HDLBP: variants seen among roughly 807,000 people sequenced by gnomAD.
HDLBP encodes the protein vigilin.
HDLBP carries 30 observed loss-of-function variants against 137.3 expected under a neutral mutation model. That is an observed-to-expected ratio of 0.22 (90% CI 0.16 to 0.30). HDLBP has a LOEUF of 0.30. Among genes scored for constraint, HDLBP ranks in the 10% least tolerant of loss-of-function variants. The pLI is 1.00. For synonymous variants in HDLBP, 606 were observed against 596.0 expected (o/e 1.02, Z -0.24); for missense variants, 1,119 against 1,667.3 (o/e 0.67, Z 5.73).
At position 241,229,468 on chromosome 2, in the gene HDLBP, C is replaced by T. The variant is rs11552802; in HGVS notation, c.*133G>A. 1.5e-6 allele frequency: 1 copy of T among 688,932 alleles called. No individual in the cohort carries two copies. Among genetic ancestry groups the T allele is most frequent in the Non-Finnish European group, 2.5e-6 (1 of 404,726 alleles). The allele number at this position is 688,932 out of a possible 1,614,324, so 42.7% of individuals were successfully genotyped here. A position where few individuals can be genotyped will look rare whatever the true frequency, so the allele number is the denominator to read the frequency against. On this transcript the variant is annotated 3_prime_UTR_variant, in exon 28 of 28. Coordinates refer to ENST00000310931, the MANE Select transcript of HDLBP (RefSeq NM_005336.6). ...CACACACAGCCAGGCGCTAGGCTCCCTGCGGGACCTCGGGAAGGGGGAAGA... is the reference window on the plus strand; with the variant it reads ...CACACACAGCCAGGCGCTAGGCTCCTTGCGGGACCTCGGGAAGGGGGAAGA...
intron 3 of HDLBP, 99 bp from the exon 4 acceptor site, chr2:241,264,704 C>T (rs903535016): frequency 8.5e-7 from 1 of 1,171,890 alleles, no homozygotes; most frequent in Non-Finnish European, 1.2e-6. Context: ...CAAACAAGAA[C>T]CATCAAATGC....
Position 241,240,762 on chromosome 2 carries a change from G to A in HDLBP, c.2170-640C>T, listed in dbSNP as rs998771175. Among the ~76,000 whole-genome samples, 2 of 152,056 alleles carry A rather than the reference G, an allele frequency of 1.3e-5. No homozygotes were observed. Among genetic ancestry groups the A allele is most frequent in the Admixed American group, 6.6e-5 (1 of 15,266 alleles). Reference sequence around the variant, plus strand: ...CGCCCTTGTGTGGCAGTAAGAAAACGAGGGTCCTGGAAAGGCCCCGGACAC... The same window carrying A: ...CGCCCTTGTGTGGCAGTAAGAAAACAAGGGTCCTGGAAAGGCCCCGGACAC... On this transcript the variant is annotated intron_variant, in intron 17 of 27. Coordinates refer to ENST00000310931, the MANE Select transcript of HDLBP (RefSeq NM_005336.6). This position sits in a 1 kb window ranked among gnomAD's most constrained non-coding sequence, Gnocchi z 5.5.
At chr2:241,261,028 C>CA (rs1430594826) in intron 5 of HDLBP, among the ~76,000 whole-genome samples, 7 of 117,960 alleles carry the variant, frequency 5.9e-5, no homozygotes, top group Non-Finnish European at 1.1e-4. Context: ...CCGCATCTGC[C>CA]AAAAAACAAA....
intron 1 of HDLBP, among the ~76,000 whole-genome samples, chr2:241,306,981 AAAAAAAC>A (rs892017696): frequency 1.7e-5 from 2 of 120,658 alleles, no homozygotes; most frequent in African/African-American, 5.5e-5. Context: ...CAAAAAAAAA[AAAAAAAC>A]GAGGAAAAGC....
intron 1 of HDLBP, among the ~76,000 whole-genome samples, chr2:241,281,119 G>A (rs2074581271): frequency 1.3e-5 from 2 of 152,242 alleles, no homozygotes; most frequent in Admixed American, 1.3e-4. Context: ...ACTTTGGGAG[G>A]CCGAGGTGGG....
chr2:241,303,037 A>G (rs1033433833), intron 1 of HDLBP, among the ~76,000 whole-genome samples: 2 of 152,342 alleles, frequency 1.3e-5, no homozygotes, highest in African/African-American at 4.8e-5. Flanking sequence ...CACAACCACT[A>G]AATTCACACC....
intron 21 of HDLBP, 53 bp downstream of exon 21, chr2:241,236,562 T>C: frequency 5.7e-6 from 9 of 1,587,562 alleles, no homozygotes; most frequent in Non-Finnish European, 6.9e-6. Flanking sequence ...TCTCCCCAGG[T>C]GCCTGCTGAC....
intron 1 of HDLBP, among the ~76,000 whole-genome samples, chr2:241,271,456 G>A (rs143477518): frequency 1.2e-4 from 19 of 152,300 alleles, no homozygotes; most frequent in Non-Finnish European, 2.1e-4. Flanking sequence ...TGTGTGTTGC[G>A]TGGGAAACCT....
chr2:241,312,853 C>T (rs775649344), intron 1 of HDLBP, among the ~76,000 whole-genome samples: 58 of 152,202 alleles, frequency 3.8e-4, no homozygotes, highest in Non-Finnish European at 6.2e-4. Context: ...CCAGTGGACC[C>T]GGCACAATCA....
At chr2:241,279,863 C>T (rs2074532148) in intron 1 of HDLBP, 3 of 965,496 alleles carry the variant, frequency 3.1e-6, no homozygotes, top group Admixed American at 6.2e-5. Context: ...TTTTAAGAAC[C>T]TAATTGTCAG....
At position 241,229,943 on chromosome 2, in the gene HDLBP, T is replaced by C. The variant is rs1473727691; in HGVS notation, c.3610A>G (p.Ser1204Gly). The change falls in exon 27 of 28, where the codon AGT (serine) becomes GGT (glycine). Residue 1204 changes from serine (S) to glycine (G), a missense_variant. Ser to Gly is a moderately conservative substitution (Grantham distance 56). Coordinates refer to ENST00000310931, the MANE Select transcript of HDLBP (RefSeq NM_005336.6). ...EEEYLADVVD[S>G]EALQVYMKPP... is the part of the protein sequence containing the mutation. ...TTCATGTATACCTGCAGCGCCTCACTGTCCACCACGTCAGCTAGCTGCAGG... is the reference window on the plus strand; with the variant it reads ...TTCATGTATACCTGCAGCGCCTCACCGTCCACCACGTCAGCTAGCTGCAGG... 5.6e-6 allele frequency: 9 copies of C among 1,603,132 alleles called. No individual in the cohort carries two copies. Among genetic ancestry groups the C allele is most frequent in the Admixed American group, 3.4e-5 (2 of 58,984 alleles).
intron 12 of HDLBP, 81 bp downstream of exon 12, chr2:241,249,760 C>A: frequency 7.2e-7 from 1 of 1,381,290 alleles, no homozygotes; most frequent in Non-Finnish European, 9.8e-7. Flanking sequence ...TAAGGCCGCA[C>A]ACCACAACAC....
intron 21 of HDLBP, 21 bp downstream of exon 21, chr2:241,236,594 G>A (rs376071228): frequency 1.2e-6 from 2 of 1,611,124 alleles, no homozygotes; most frequent in African/African-American, 1.3e-5. Context: ...GGGGGGTGGA[G>A]GGGGGCACAT....
intron 1 of HDLBP, among the ~76,000 whole-genome samples, chr2:241,310,264 G>A (rs554521288): frequency 6.6e-6 from 1 of 152,162 alleles, no homozygotes; most frequent in Non-Finnish European, 1.5e-5. Flanking sequence ...AGACAAACTT[G>A]AGAATAACTT....
chr2:241,290,687 T>A (rs547615920), intron 1 of HDLBP, among the ~76,000 whole-genome samples: 3 of 152,134 alleles, frequency 2.0e-5, no homozygotes, highest in Admixed American at 2.0e-4. Context: ...GCTGGTTATA[T>A]GAGTGAGTTC....
In HDLBP at chr2:241,233,999, G is replaced by C. The variant is rs1244796360; in HGVS notation, c.3145-36C>G. 6.2e-6 allele frequency: 10 copies of C among 1,612,788 alleles called. No homozygotes were observed. Among genetic ancestry groups the C allele is most frequent in the Non-Finnish European group, 8.5e-6 (10 of 1,178,968 alleles). ...AAGGAGCAAGAATGAGGCAAAGATT[G>C]AGCTGATCCACCCTGTGACTCCATT... On this transcript the variant is annotated intron_variant, in intron 23 of 27. Coordinates refer to ENST00000310931, the MANE Select transcript of HDLBP (RefSeq NM_005336.6). This position sits in a 1 kb window ranked among gnomAD's most constrained non-coding sequence, Gnocchi z 4.3.
chr2:241,238,842 G>A lies in HDLBP; in HGVS notation c.2611-55C>T. On this transcript the variant is annotated intron_variant, in intron 19 of 27. Transcript: ENST00000310931. This position sits in a 1 kb window ranked among gnomAD's most constrained non-coding sequence, Gnocchi z 4.9. Reference sequence around the variant, plus strand: ...AAGAGCAAAGATTAAATTCCTTAGGGCAAGTTTTACAGCACTCTTCACACC... The same window carrying A: ...AAGAGCAAAGATTAAATTCCTTAGGACAAGTTTTACAGCACTCTTCACACC... 1 of 1,444,008 alleles carries A rather than the reference G, an allele frequency of 6.9e-7. No homozygotes were observed. The highest frequency in any genetic ancestry group is 9.3e-7 in the Non-Finnish European group (1 of 1,077,716). The allele number at this position is 1,444,008 out of a possible 1,614,324, so 89.4% of individuals were successfully genotyped here.
chr2:241,229,570 A>C lies in HDLBP; in HGVS notation c.*31T>G. 6.5e-7 allele frequency: 1 copy of C among 1,544,958 alleles called. No homozygotes were observed. The highest frequency in any genetic ancestry group is 8.9e-7 in the Non-Finnish European group (1 of 1,119,022). ...ATTGTGTGGTTGGGTTTGGGTCAGC[A>C]GGCTGGAGAGGGTTCTGTTCTTTTT... On this transcript the variant is annotated 3_prime_UTR_variant, in exon 28 of 28. Transcript: ENST00000310931.
At chr2:241,259,550 G>A (rs1406510292) in intron 5 of HDLBP, among the ~76,000 whole-genome samples, 1 of 152,082 alleles carries the variant, frequency 6.6e-6, no homozygotes, top group Admixed American at 6.6e-5. Flanking sequence ...CTGTGGTGGT[G>A]CAAACACTGC....
Sources: allele counts gnomAD v4.1 joint callset (sites outside exome capture counted in the v4.1 genomes callset), GRCh38; gene constraint gnomAD v4.1.1; non-coding constraint Gnocchi (gnomAD v3.1); transcripts MANE v1.5; gene names NCBI Gene and HGNC (gene_info 2026-07-23, HGNC 2026-07-21).